FGL1: variants seen among roughly 807,000 people sequenced by gnomAD.
The protein encoded by FGL1 is fibrinogen like 1, also known as fibrinogen-like protein 1.
FGL1 carries 59 observed loss-of-function variants against 43.7 expected under a neutral mutation model. That is an observed-to-expected ratio of 1.35 (90% CI 1.10 to 1.68). FGL1 has a LOEUF of 1.68. FGL1 is among the 40% of genes most tolerant of loss of function. The probability of loss-of-function intolerance (pLI) is 0.00; values close to 1 mark genes in which losing one functional copy is unlikely to be tolerated. For synonymous variants in FGL1, 192 were observed against 126.5 expected (o/e 1.52, Z -3.48); for missense variants, 596 against 373.0 (o/e 1.60, Z -4.92).
intron 2 of FGL1, among the ~76,000 whole-genome samples, chr8:17,883,416 A>AT (rs1390889352): frequency 8.1e-5 from 5 of 61,626 alleles, no homozygotes; most frequent in Non-Finnish European, 1.3e-4. Flanking sequence ...TATATTACAA[A>AT]ATATATAATA....
rs1466351538 is a variant in FGL1, at chr8:17,864,399, G to C, written c.*193C>G. On this transcript the variant is annotated 3_prime_UTR_variant, in exon 8 of 8. Transcript: ENST00000427924. ...CAGGGATTCAATAAATATTAACACAGTCTACATTTATTTGGTGAATATTGC... is the reference window on the plus strand; with the variant it reads ...CAGGGATTCAATAAATATTAACACACTCTACATTTATTTGGTGAATATTGC... The C allele has an allele frequency of 7.3e-6, 4 of 546,006 alleles. No homozygotes were observed. The Admixed American group carries it at 1.1e-4, about 15-fold the overall frequency. 33.8% of individuals were successfully genotyped at this position (546,006 alleles called of 1,614,324 possible). A position where few individuals can be genotyped will look rare whatever the true frequency, so the allele number is the denominator to read the frequency against.
At chr8:17,884,261 G>A (rs983654535) in intron 2 of FGL1, among the ~76,000 whole-genome samples, 5 of 151,468 alleles carry the variant, frequency 3.3e-5, no homozygotes, top group Non-Finnish European at 5.9e-5. Flanking sequence ...GTGCGATCTC[G>A]GCTCCCTGCA....
chr8:17,870,143 A>G (rs2053336266), intron 5 of FGL1, among the ~76,000 whole-genome samples: 1 of 152,062 alleles, frequency 6.6e-6, no homozygotes, highest in African/African-American at 2.4e-5. Flanking sequence ...AAAGAATACA[A>G]TGTATTGGGT....
chr8:17,888,081 G>C (rs1392878840), intron 1 of FGL1, among the ~76,000 whole-genome samples: 2 of 151,840 alleles, frequency 1.3e-5, no homozygotes, highest in South Asian at 2.1e-4. Flanking sequence ...AATAGAAATA[G>C]TAGATGTTTT....
intron 3 of FGL1, among the ~76,000 whole-genome samples, chr8:17,875,565 CTTT>C (rs1403769955): frequency 4.0e-5 from 1 of 24,834 alleles, no homozygotes; most frequent in East Asian, 6.9e-4. Context: ...TTCTTTCTTT[CTTT>C]CTTTCTTTCT....
At chr8:17,889,608 T>C (rs2053677681) in intron 1 of FGL1, among the ~76,000 whole-genome samples, 1 of 152,186 alleles carries the variant, frequency 6.6e-6, no homozygotes, top group African/African-American at 2.4e-5. Flanking sequence ...TTATTTTATT[T>C]CATTAGCCTC....
intron 2 of FGL1, among the ~76,000 whole-genome samples, chr8:17,883,306 T>C (rs62643683): frequency 0.58 from 5,307 of 9,168 alleles, 2,215 homozygotes; most frequent in Middle Eastern, 0.88. Flanking sequence ...TATAATATAT[T>C]AAATAACATA....
At chr8:17,873,359 G>A (rs921741377) in intron 5 of FGL1, among the ~76,000 whole-genome samples, 1 of 152,098 alleles carries the variant, frequency 6.6e-6, no homozygotes, top group Non-Finnish European at 1.5e-5. Context: ...ACCCTATGGA[G>A]CCAGGTTGAA....
chr8:17,895,304 G>C lies in FGL1; in HGVS notation c.-18+143C>G, dbSNP rs71526167. The C allele has an allele frequency of 0.031, 33,618 of 1,084,796 alleles. 547 individuals carry two copies. The highest frequency in any genetic ancestry group is 0.035 in the Non-Finnish European group (30,437 of 876,846). 67.2% of individuals were successfully genotyped at this position (1,084,796 alleles called of 1,614,324 possible). A position where few individuals can be genotyped will look rare whatever the true frequency, so the allele number is the denominator to read the frequency against. On this transcript the variant is annotated intron_variant, in intron 1 of 7. Coordinates refer to ENST00000427924, the MANE Select transcript of FGL1 (RefSeq NM_004467.4). ...TAATTCTAAATCTCTTCTCCAAGTA[G>C]CAGAAGCAGACTCCTTGCTAGTCAA...
At chr8:17,888,131 A>G (rs1278468208) in intron 1 of FGL1, among the ~76,000 whole-genome samples, 1 of 151,982 alleles carries the variant, frequency 6.6e-6, no homozygotes, top group African/African-American at 2.4e-5. Context: ...ATATTAAAAT[A>G]TTTGCTTATG....
chr8:17,872,315 T>C (rs2053375748), intron 5 of FGL1, among the ~76,000 whole-genome samples: 1 of 151,082 alleles, frequency 6.6e-6, no homozygotes, highest in Admixed American at 6.6e-5. Context: ...ATTATTATTA[T>C]TATTTGAGAC....
At position 17,878,333 on chromosome 8, in the gene FGL1, A is replaced by G. The variant is rs78263362; in HGVS notation, c.244+3666T>C. ...CTTATTCTCATTCTTCAGATGGGGA[A>G]TATGGGACACACAGAGGTTATGTAA... On this transcript the variant is annotated intron_variant, in intron 3 of 7. Transcript: ENST00000427924. Among the ~76,000 whole-genome samples the G allele has an allele frequency of 3.9e-4, 59 of 152,316 alleles. 1 individual carries two copies. The East Asian group carries it at 9.4e-3, about 24-fold the overall frequency.
Position 17,868,556 on chromosome 8 carries a change from C to A in FGL1, c.771G>T (p.Trp257Cys). 1 of 1,610,974 alleles carries A rather than the reference C, an allele frequency of 6.2e-7. No homozygotes were observed. Among genetic ancestry groups the A allele is most frequent in the South Asian group, 1.1e-5 (1 of 90,442 alleles). The change falls in exon 7 of 8, where the codon TGG (tryptophan) becomes TGT (cysteine). Residue 257 changes from tryptophan to cysteine, a missense_variant. Physicochemically the swap from Trp to Cys is radical, Grantham distance 215. Coordinates refer to ENST00000427924, the MANE Select transcript of FGL1 (RefSeq NM_004467.4). ...NCAEEDQSGW[W>C]FNRCHSANLN... Reference sequence around the variant, plus strand: ...CTCATAAGACATCAAACCTGTTAAACCACCAGCCAGACTGATCTTCTTCTG... The same window carrying A: ...CTCATAAGACATCAAACCTGTTAAAACACCAGCCAGACTGATCTTCTTCTG...
At chr8:17,874,315 C>T (rs748350363) in intron 4 of FGL1, 47 bp downstream of exon 4, 38 of 1,573,946 alleles carry the variant, frequency 2.4e-5, no homozygotes, top group Non-Finnish European at 3.3e-5. Context: ...ACTTATAAAT[C>T]TCACATTTGC....
At position 17,864,502 on chromosome 8, in the gene FGL1, A is replaced by C; in HGVS notation, c.*90T>G. On this transcript the variant is annotated 3_prime_UTR_variant, in exon 8 of 8. Transcript: ENST00000427924. Reference sequence around the variant, plus strand: ...AAAAGCACTACTCACAACAGTTATCATGATTGCGCATGGATATGTTCAGAA... The same window carrying C: ...AAAAGCACTACTCACAACAGTTATCCTGATTGCGCATGGATATGTTCAGAA... 1 of 1,373,110 alleles carries C rather than the reference A, an allele frequency of 7.3e-7. No individual in the cohort carries two copies. The highest frequency in any genetic ancestry group is 9.9e-7 in the Non-Finnish European group (1 of 1,014,898). 85.1% of individuals were successfully genotyped at this position (1,373,110 alleles called of 1,614,324 possible).
At chr8:17,886,750 C>A (rs1162666753) in intron 1 of FGL1, among the ~76,000 whole-genome samples, 1 of 149,712 alleles carries the variant, frequency 6.7e-6, no homozygotes, top group Middle Eastern at 3.2e-3. Flanking sequence ...AGAGTGAGTC[C>A]CTGTCTAGAA....
chr8:17,882,249 T>C (rs2053548748), intron 2 of FGL1, 70 bp from the exon 3 acceptor site: 7 of 1,378,924 alleles, frequency 5.1e-6, no homozygotes, highest in Non-Finnish European at 6.9e-6. Flanking sequence ...TTTAAACATT[T>C]GGATAAATCA....
chr8:17,880,168 G>A (rs1235060657), intron 3 of FGL1, among the ~76,000 whole-genome samples: 1 of 152,140 alleles, frequency 6.6e-6, no homozygotes, highest in African/African-American at 2.4e-5. Context: ...GCAGACCACT[G>A]GCTCTGGCCT....
chr8:17,881,899 T>C, intron 3 of FGL1, 100 bp downstream of exon 3: 1 of 975,986 alleles, frequency 1.0e-6, no homozygotes, highest in Non-Finnish European at 1.5e-6. Flanking sequence ...TTCATATTGC[T>C]TGTTACTGAA....
Sources: allele counts gnomAD v4.1 joint callset (sites outside exome capture counted in the v4.1 genomes callset), GRCh38; gene constraint gnomAD v4.1.1; transcripts MANE v1.5; gene names NCBI Gene and HGNC (gene_info 2026-07-23, HGNC 2026-07-21).